Variants in RBBP8 observed in about 807,000 individuals in gnomAD.
RBBP8 encodes the protein RB binding protein 8, endonuclease.
RBBP8 carries 88 observed loss-of-function variants against 108.3 expected under a neutral mutation model. That is an observed-to-expected ratio of 0.81 (90% CI 0.68 to 0.97). RBBP8 has a LOEUF of 0.97. Among genes scored for constraint, RBBP8 ranks in the 50% least tolerant of loss-of-function variants. The pLI is 0.00. For missense variants in RBBP8, 1,023 were observed against 1,049.0 expected, an observed-to-expected ratio of 0.98 and a Z score of 0.34; for synonymous variants, 332 against 348.2, an observed-to-expected ratio of 0.95 and a Z score of 0.52.
At chr18:23,012,208 C>CAAAAA (rs56096515) in intron 16 of RBBP8, among the ~76,000 whole-genome samples, 7 of 109,598 alleles carry the variant, frequency 6.4e-5, no homozygotes, top group Admixed American at 1.2e-4. Context: ...ATGCTGTCTC[C>CAAAAA]AAAAAAAAAA....
At chr18:22,917,353 ACT>A (rs1409835600) in intron 3 of RBBP8, among the ~76,000 whole-genome samples, 14 of 152,194 alleles carry the variant, frequency 9.2e-5, no homozygotes, top group African/African-American at 3.1e-4. Flanking sequence ...GGTCTGAATA[ACT>A]CTGCTACAAA....
At chr18:22,968,711 G>T in intron 4 of RBBP8, 95 bp from the exon 5 acceptor site, 1 of 943,390 alleles carries the variant, frequency 1.1e-6, no homozygotes, top group Non-Finnish European at 1.7e-6. Context: ...CACAGTATTT[G>T]CCAAGTCAGT....
intron 16 of RBBP8, among the ~76,000 whole-genome samples, chr18:23,007,002 C>T (rs995056393): frequency 1.5e-4 from 22 of 147,348 alleles, no homozygotes; most frequent in Admixed American, 2.7e-4. Flanking sequence ...TGTGCGTGTG[C>T]ATGTGTGTGT....
intron 2 of RBBP8, among the ~76,000 whole-genome samples, chr18:22,940,935 C>G (rs997193843): frequency 7.9e-5 from 12 of 152,058 alleles, no homozygotes; most frequent in Non-Finnish European, 1.6e-4. Flanking sequence ...GTGTGAGCCA[C>G]CACACCTGGT....
chr18:22,954,380 G>A (rs960876032), intron 4 of RBBP8, among the ~76,000 whole-genome samples: 3 of 152,184 alleles, frequency 2.0e-5, no homozygotes, highest in African/African-American at 7.2e-5. Context: ...AAAACAAAGG[G>A]GCTGCAGGCC....
intron 4 of RBBP8, 38 bp from the exon 5 acceptor site, chr18:22,968,768 C>CT: frequency 6.5e-7 from 1 of 1,538,168 alleles, no homozygotes; most frequent in Non-Finnish European, 9.0e-7. Flanking sequence ...AAGGAAATCT[C>CT]TTTTAGTGGA....
In RBBP8 at chr18:22,993,656, C is replaced by G. The variant is rs755863083; in HGVS notation, c.1812+17C>G. ...GACATAAAGGTTTGTGTTAAATGTT[C>G]AAGGATTTTGATTAAAATGATTGCT... On this transcript the variant is annotated intron_variant, in intron 11 of 18. Transcript: ENST00000327155. The G allele has an allele frequency of 6.2e-6, 10 of 1,613,978 alleles. No homozygotes were observed. In the South Asian group the frequency reaches 9.9e-5, roughly 16 times the overall value.
intron 18 of RBBP8, among the ~76,000 whole-genome samples, chr18:23,022,658 T>TAAATAAA (rs2046383455): frequency 1.2e-5 from 1 of 83,754 alleles, no homozygotes; most frequent in African/African-American, 3.3e-5. Flanking sequence ...CAATATAAAA[T>TAAATAAA]AAAATAAAAT....
Position 22,968,791 on chromosome 18 carries a change from T to C in RBBP8, c.249-15T>C. 1 of 1,599,492 alleles carries C rather than the reference T, an allele frequency of 6.3e-7. No homozygotes were observed. The highest frequency in any genetic ancestry group is 8.6e-7 in the Non-Finnish European group (1 of 1,167,416). ...CTCTTTTAGTGGATGAAAAATACCT[T>C]GTTTTGTTTCATAGGTTAAGAGCAG... On this transcript the variant is annotated splice_polypyrimidine_tract_variant and intron_variant, in intron 4 of 18. Transcript: ENST00000327155.
At chr18:23,025,087 G>T (rs770138523) in intron 18 of RBBP8, among the ~76,000 whole-genome samples, 1 of 151,588 alleles carries the variant, frequency 6.6e-6, no homozygotes, top group African/African-American at 2.4e-5. Context: ...GGCTCTAGAC[G>T]AAATAAATAA....
intron 15 of RBBP8, among the ~76,000 whole-genome samples, 177 bp from the exon 16 acceptor site, chr18:23,006,186 A>G (rs2046043184): frequency 6.6e-6 from 1 of 151,808 alleles, no homozygotes; most frequent in Non-Finnish European, 1.5e-5. Flanking sequence ...ACACCGGCTC[A>G]GAAAAAAAAA....
At chr18:22,998,046 G>A (rs1202939549) in intron 14 of RBBP8, among the ~76,000 whole-genome samples, 1 of 152,056 alleles carries the variant, frequency 6.6e-6, no homozygotes, top group Non-Finnish European at 1.5e-5. Flanking sequence ...ATTGCCCATC[G>A]CTGTTTGTTC....
intron 5 of RBBP8, among the ~76,000 whole-genome samples, chr18:22,972,070 A>G (rs1914136884): frequency 6.6e-6 from 1 of 150,754 alleles, no homozygotes; most frequent in Admixed American, 6.6e-5. Context: ...GATCCAAAGA[A>G]TTAGGGCAGG....
rs147143633 is a variant in RBBP8 at position 23,022,195 on chromosome 18, C to T, written c.2521C>T (p.Arg841Cys). The change falls in exon 18 of 19, where the codon CGC (arginine) becomes TGC (cysteine). Residue 841 changes from arginine (R) to cysteine (C), a missense_variant. By Grantham distance (180) the Arg-to-Cys change is radical. Coordinates refer to ENST00000327155, the MANE Select transcript of RBBP8 (RefSeq NM_002894.3). ...GGCTTCCTGCTCAAGACACCGATTC[C>T]GCTACATTCCACCCAACACACCAGA... ...KLASCSRHRF[R>C]YIPPNTPENF... 33 of 1,611,070 alleles carry T rather than the reference C, an allele frequency of 2.0e-5. 1 individual carries two copies. The highest frequency in any genetic ancestry group is 5.5e-5 in the South Asian group (5 of 91,030).
chr18:22,917,962 C>A (rs1404302546), intron 3 of RBBP8, among the ~76,000 whole-genome samples: 6 of 144,568 alleles, frequency 4.2e-5, no homozygotes, highest in African/African-American at 1.5e-4. Context: ...CGCGCCACTG[C>A]ACTCCAGCCT....
chr18:22,914,929 G>A (rs1409384570), intron 1 of RBBP8, among the ~76,000 whole-genome samples: 24 of 152,036 alleles, frequency 1.6e-4, no homozygotes. Flanking sequence ...TTAGGTTAAA[G>A]AATACCTGGA....
chr18:22,930,573 G>A (rs951731900), upstream of RBBP8, among the ~76,000 whole-genome samples: 4 of 151,984 alleles, frequency 2.6e-5, no homozygotes, highest in African/African-American at 7.3e-5. Flanking sequence ...GAGGATGCCC[G>A]CCATTTCCAT....
At chr18:22,986,989 C>T (rs1332878383) in intron 8 of RBBP8, among the ~76,000 whole-genome samples, 3 of 152,194 alleles carry the variant, frequency 2.0e-5, no homozygotes, top group Non-Finnish European at 2.9e-5. Context: ...ACAGTATCTG[C>T]AGCTTCTCTG....
intron 9 of RBBP8, 120 bp downstream of exon 9, chr18:22,989,438 A>G: frequency 4.3e-6 from 3 of 690,382 alleles, no homozygotes; most frequent in South Asian, 3.0e-5. Flanking sequence ...GGCCTGAAAC[A>G]AAACTTACAT....
Sources: gnomAD v4.1 joint callset for allele counts (sites outside exome capture counted in the v4.1 genomes callset) on GRCh38, gnomAD v4.1.1 for gene constraint, MANE v1.5 for transcripts, NCBI Gene and HGNC (gene_info 2026-07-23, HGNC 2026-07-21) for gene names.